The following ACKR2 variants were observed in gnomAD, a reference collection of about 807,000 sequenced individuals.
The protein encoded by ACKR2 is atypical chemokine receptor 2.
For missense variants in ACKR2, 457 were observed against 477.3 expected (o/e 0.96, Z 0.40); for synonymous variants, 207 against 192.2 (o/e 1.08, Z -0.64).
chr3:42,850,191 C>A (rs1351062083), intron 2 of ACKR2, among the ~76,000 whole-genome samples: 1 of 152,024 alleles, frequency 6.6e-6, no homozygotes, highest in Non-Finnish European at 1.5e-5. Flanking sequence ...AACTTGGAGG[C>A]CTCACTTGAA....
chr3:42,813,204 G>GTTTTGGGTTTGT (rs1700713603), intron 1 of ACKR2, among the ~76,000 whole-genome samples: 1 of 152,160 alleles, frequency 6.6e-6, no homozygotes, highest in African/African-American at 2.4e-5. Flanking sequence ...GCTATAGTAT[G>GTTTTGGGTTTGT]TTTTGGGTTT....
chr3:42,851,359 A>G (rs1575388950), intron 2 of ACKR2: 2 of 985,144 alleles, frequency 2.0e-6, no homozygotes, highest in African/African-American at 3.5e-5. Flanking sequence ...AAGGAATTAC[A>G]CTCTGTCTGC....
chr3:42,830,154 C>A (rs1234034886), intron 2 of ACKR2, among the ~76,000 whole-genome samples: 1 of 152,226 alleles, frequency 6.6e-6, no homozygotes, highest in Non-Finnish European at 1.5e-5. Context: ...GGCCTCTCCT[C>A]CTCCAATGAC....
At chr3:42,811,347 T>C (rs1307354941) in intron 1 of ACKR2, among the ~76,000 whole-genome samples, 1 of 152,230 alleles carries the variant, frequency 6.6e-6, no homozygotes, top group Admixed American at 6.5e-5. Flanking sequence ...AAACATGTGC[T>C]GTATGGAATC....
Position 42,864,719 on chromosome 3 carries a change from C to T in ACKR2, c.217C>T (p.Arg73Cys), listed in dbSNP as rs1379688466. ...CCTCCTTCTTCTCATGGTCTTGCTC[C>T]GTTACGTGCCTCGCAGGCGGATGGT... ...GNLLLLMVLL[R>C]YVPRRRMVEI... The change falls in exon 3 of 3, where the codon CGT becomes TGT. Residue 73 changes from arginine to cysteine, a missense_variant. Transcript: ENST00000422265. 3.7e-6 allele frequency: 6 copies of T among 1,614,186 alleles called. No individual in the cohort carries two copies. Among genetic ancestry groups the T allele is most frequent in the African/African-American group, 1.3e-5 (1 of 75,044 alleles).
chr3:42,859,574 G>T (rs1369748001), intron 2 of ACKR2, among the ~76,000 whole-genome samples: 1 of 151,920 alleles, frequency 6.6e-6, no homozygotes, highest in East Asian at 1.9e-4. Context: ...GTAGAGATGG[G>T]GTTTCACCGT....
intron 2 of ACKR2, among the ~76,000 whole-genome samples, chr3:42,844,562 A>G (rs1196246100): frequency 1.3e-5 from 2 of 152,050 alleles, no homozygotes; most frequent in Non-Finnish European, 2.9e-5. Context: ...CAGTGTGGGT[A>G]CTCACAGCTG....
At position 42,838,086 on chromosome 3, in the gene ACKR2, C is replaced by A. The variant is rs914294061; in HGVS notation, c.-38+18375C>A. On this transcript the variant is annotated intron_variant, in intron 2 of 2. Transcript: ENST00000422265. Reference sequence around the variant, plus strand: ...AGTAAAACCTAAAATTATAAAATTTCTAGGAGAAAACATAAGAGAAAAAAA... The same window carrying A: ...AGTAAAACCTAAAATTATAAAATTTATAGGAGAAAACATAAGAGAAAAAAA... Among the ~76,000 whole-genome samples the A allele has an allele frequency of 2.6e-5, 4 of 151,952 alleles. No homozygotes were observed. In the East Asian group the frequency reaches 7.7e-4, roughly 29 times the overall value.
At chr3:42,818,208 C>G (rs1461710923) in intron 1 of ACKR2, among the ~76,000 whole-genome samples, 1 of 152,226 alleles carries the variant, frequency 6.6e-6, no homozygotes, top group African/African-American at 2.4e-5. Context: ...CCCCTCTTCT[C>G]TGCTCTCTAC....
At chr3:42,863,790 A>G (rs1575394562) in intron 2 of ACKR2, among the ~76,000 whole-genome samples, 1 of 152,170 alleles carries the variant, frequency 6.6e-6, no homozygotes, top group Admixed American at 6.6e-5. Flanking sequence ...GTTCTCACTC[A>G]TAAGTGGGAG....
chr3:42,823,814 A>T (rs776154939), intron 2 of ACKR2, among the ~76,000 whole-genome samples: 2 of 152,188 alleles, frequency 1.3e-5, no homozygotes, highest in East Asian at 3.9e-4. Flanking sequence ...CAAGCAATCA[A>T]ATAAAGGTAA....
Position 42,811,969 on chromosome 3 carries a change from T to A in ACKR2, c.-119+2437T>A, listed in dbSNP as rs539051044. Among the ~76,000 whole-genome samples the A allele has an allele frequency of 7.0e-4, 106 of 152,290 alleles. No individual in the cohort carries two copies. In the South Asian group the frequency reaches 0.014, roughly 21 times the overall value. On this transcript the variant is annotated intron_variant, in intron 1 of 2. Transcript: ENST00000422265. The stretch of plus-strand genomic sequence containing the variant: ...TCTCCCCATTATCACCCTGTTCTCC[T>A]GCCGCATTCCCCTAGCCGAGATAGT...
intron 2 of ACKR2, among the ~76,000 whole-genome samples, chr3:42,826,664 C>A (rs929303179): frequency 6.6e-6 from 1 of 152,000 alleles, no homozygotes; most frequent in Non-Finnish European, 1.5e-5. Context: ...GTCAGTTTTG[C>A]TGATGTTTTC....
intron 2 of ACKR2, among the ~76,000 whole-genome samples, chr3:42,845,681 C>A (rs1701085867): frequency 6.6e-6 from 1 of 151,448 alleles, no homozygotes; most frequent in Non-Finnish European, 1.5e-5. Context: ...CTGGCCCCAC[C>A]CTTAACCATA....
Position 42,864,985 on chromosome 3 carries a change from C to G in ACKR2, c.483C>G (p.Ser161Arg). The change falls in exon 3 of 3, where the codon AGC becomes AGG. Residue 161 changes from serine (S) to arginine (R), a missense_variant. Ser to Arg is a moderately radical substitution (Grantham distance 110). Transcript: ENST00000422265. ...PYHRLRTRAK[S>R]LLLATIVWAV... ...ACAGGCTGAGGACCCGGGCCAAGAG[C>G]CTGCTCCTTGCTACCATAGTATGGG... 1 of 1,614,180 alleles carries G rather than the reference C, an allele frequency of 6.2e-7. No individual in the cohort carries two copies. Among genetic ancestry groups the G allele is most frequent in the Non-Finnish European group, 8.5e-7 (1 of 1,180,020 alleles).
rs746591921 is a variant in ACKR2, at chr3:42,839,542, T to C, written c.-38+19831T>C. On this transcript the variant is annotated intron_variant, in intron 2 of 2. Coordinates refer to ENST00000422265, the MANE Select transcript of ACKR2 (RefSeq NM_001296.5). ...TGCACGTCATCTCGCAAACATAATGTTGAACAAATGAAACCAACACAAAAG... is the reference window on the plus strand; with the variant it reads ...TGCACGTCATCTCGCAAACATAATGCTGAACAAATGAAACCAACACAAAAG... Among the ~76,000 whole-genome samples, 127 of 152,124 alleles carry C rather than the reference T, an allele frequency of 8.3e-4. 1 individual carries two copies. The highest frequency in any genetic ancestry group is 1.4e-3 in the Non-Finnish European group (98 of 68,028).
chr3:42,812,532 C>A (rs1255523395), intron 1 of ACKR2, among the ~76,000 whole-genome samples: 2 of 152,054 alleles, frequency 1.3e-5, no homozygotes, highest in Admixed American at 6.6e-5. Flanking sequence ...CACTTACAGG[C>A]AGAATCTGAA....
intron 1 of ACKR2, among the ~76,000 whole-genome samples, chr3:42,814,328 G>A (rs767540572): frequency 3.3e-5 from 5 of 152,166 alleles, no homozygotes; most frequent in Non-Finnish European, 4.4e-5. Context: ...TGGGTTTTCA[G>A]GTATTAAACC....
chr3:42,825,864 TG>T (rs1330876137), intron 2 of ACKR2, among the ~76,000 whole-genome samples: 5 of 118,706 alleles, frequency 4.2e-5, no homozygotes, highest in South Asian at 3.0e-4. Context: ...TTTTTTTTTT[TG>T]TTTTTTTTTT....
Sources: gnomAD v4.1 joint callset for allele counts (sites outside exome capture counted in the v4.1 genomes callset) on GRCh38, gnomAD v4.1.1 for gene constraint, MANE v1.5 for transcripts, NCBI Gene and HGNC (gene_info 2026-07-23, HGNC 2026-07-21) for gene names.